Variants in ZFPM2 observed in about 807,000 individuals in gnomAD.
The protein encoded by ZFPM2 is zinc finger protein, FOG family member 2.
In ZFPM2, 20 loss-of-function variants were observed where a neutral mutation model predicts 98.6. The ratio of observed to expected loss-of-function variants is 0.20; its 90% CI spans 0.14 to 0.29. ZFPM2 has a LOEUF of 0.29. ZFPM2 is among the 10% of genes least tolerant of loss of function. ZFPM2 has a pLI of 1.00. For synonymous variants in ZFPM2, 518 were observed against 502.7 expected (o/e 1.03, Z -0.41); for missense variants, 1,310 against 1,388.6 (o/e 0.94, Z 0.90).
intron 1 of ZFPM2, among the ~76,000 whole-genome samples, chr8:105,365,225 A>G (rs1810484886): frequency 6.6e-6 from 1 of 152,184 alleles, no homozygotes. Context: ...GGTGAGTGGA[A>G]GAGATCATTG....
In ZFPM2 at chr8:105,318,467, G is replaced by T. The variant is rs1409881461; in HGVS notation, c.-475G>T. ...CAGGAGCTGCGCGGCCCGGAGCGGC[G>T]GCGGCGGCGCCGGAGTATCCGTCCC... On this transcript the variant is annotated 5_prime_UTR_variant, in exon 1 of 8. Transcript: ENST00000407775. Among the ~76,000 whole-genome samples the T allele has an allele frequency of 1.3e-5, 2 of 150,676 alleles. No individual in the cohort carries two copies. Among genetic ancestry groups the T allele is most frequent in the African/African-American group, 4.9e-5 (2 of 41,048 alleles).
At chr8:105,649,889 G>A (rs1387198358) in intron 5 of ZFPM2, among the ~76,000 whole-genome samples, 1 of 152,178 alleles carries the variant, frequency 6.6e-6, no homozygotes, top group Non-Finnish European at 1.5e-5. Flanking sequence ...GATGATGCTG[G>A]CCTCATAGAC....
At chr8:105,480,573 A>G (rs1813094828) in intron 3 of ZFPM2, among the ~76,000 whole-genome samples, 1 of 152,108 alleles carries the variant, frequency 6.6e-6, no homozygotes, top group Admixed American at 6.6e-5. Flanking sequence ...ATCAAAAACT[A>G]TTTATTGAAC....
chr8:105,334,510 G>T (rs1209597058), intron 1 of ZFPM2, among the ~76,000 whole-genome samples: 1 of 151,562 alleles, frequency 6.6e-6, no homozygotes, highest in Non-Finnish European at 1.5e-5. Flanking sequence ...TTAAAGTATA[G>T]TATTTCTCTA....
At chr8:105,504,649 C>G (rs1813660298) in intron 3 of ZFPM2, among the ~76,000 whole-genome samples, 1 of 152,148 alleles carries the variant, frequency 6.6e-6, no homozygotes, top group African/African-American at 2.4e-5. Context: ...TGTGAAAATG[C>G]AAAGTTAGTT....
chr8:105,793,414 C>T lies in ZFPM2; in HGVS notation c.739+4490C>T, dbSNP rs990431084. 3.5e-4 allele frequency among the ~76,000 whole-genome samples: 54 copies of T among 152,234 alleles called. 1 individual carries two copies. The highest frequency in any genetic ancestry group is 1.3e-3 in the African/African-American group (53 of 41,522). On this transcript the variant is annotated intron_variant, in intron 6 of 7. Coordinates refer to ENST00000407775, the MANE Select transcript of ZFPM2 (RefSeq NM_012082.4). ...TCTTTAAGAATGTTGAATATTGGCTCCCACTCTCTTCTGGCTTGTAGAGTT... is the reference window on the plus strand; with the variant it reads ...TCTTTAAGAATGTTGAATATTGGCTTCCACTCTCTTCTGGCTTGTAGAGTT...
intron 1 of ZFPM2, among the ~76,000 whole-genome samples, chr8:105,339,447 A>G (rs935797310): frequency 6.6e-6 from 1 of 151,864 alleles, no homozygotes; most frequent in African/African-American, 2.4e-5. Context: ...GAACTACACT[A>G]CCCTTGCATA....
chr8:105,601,231 A>C (rs1314747795), intron 4 of ZFPM2, among the ~76,000 whole-genome samples: 1 of 152,264 alleles, frequency 6.6e-6, no homozygotes, highest in Admixed American at 6.5e-5. Flanking sequence ...TAACCAAAAG[A>C]TGTCTAAGCC....
chr8:105,581,650 G>T (rs551802880), intron 4 of ZFPM2, among the ~76,000 whole-genome samples: 2 of 151,960 alleles, frequency 1.3e-5, no homozygotes, highest in Non-Finnish European at 2.9e-5. Context: ...ATAATAAAAC[G>T]GCAATTTTCC....
At chr8:105,386,911 C>G (rs1043004417) in intron 1 of ZFPM2, among the ~76,000 whole-genome samples, 6 of 152,050 alleles carry the variant, frequency 3.9e-5, no homozygotes, top group Admixed American at 6.6e-5. Context: ...AAAAGTTCTC[C>G]ACGTCCCCAC....
intron 5 of ZFPM2, among the ~76,000 whole-genome samples, chr8:105,681,669 C>A (rs899966731): frequency 4.6e-5 from 7 of 152,100 alleles, no homozygotes; most frequent in African/African-American, 1.7e-4. Flanking sequence ...TCATGGTACA[C>A]CAGGCATTGA....
At chr8:105,699,387 CTT>C (rs1811091538) in intron 5 of ZFPM2, among the ~76,000 whole-genome samples, 2 of 152,056 alleles carry the variant, frequency 1.3e-5, no homozygotes, top group Admixed American at 1.3e-4. Context: ...ATTAAAGAGA[CTT>C]TGGTCACTCT....
At chr8:105,560,412 G>C (rs1295523609) in intron 3 of ZFPM2, among the ~76,000 whole-genome samples, 1 of 151,884 alleles carries the variant, frequency 6.6e-6, no homozygotes, top group South Asian at 2.1e-4. Flanking sequence ...TTAGGTTACT[G>C]AGATAAAATT....
chr8:105,694,092 T>C (rs1268461628), intron 5 of ZFPM2, among the ~76,000 whole-genome samples: 1 of 148,228 alleles, frequency 6.7e-6, no homozygotes, highest in Non-Finnish European at 1.5e-5. Flanking sequence ...GTTCACACCA[T>C]TCTCCTGCCT....
chr8:105,635,329 TAAA>T (rs1445226238), intron 5 of ZFPM2, among the ~76,000 whole-genome samples: 2 of 152,132 alleles, frequency 1.3e-5, no homozygotes, highest in Non-Finnish European at 2.9e-5. Flanking sequence ...CAAAGACTCT[TAAA>T]AACTTGCTAG....
chr8:105,354,641 G>T (rs1812707339), intron 1 of ZFPM2, among the ~76,000 whole-genome samples: 1 of 152,152 alleles, frequency 6.6e-6, no homozygotes, highest in African/African-American at 2.4e-5. Context: ...TCTGTCTGAT[G>T]CATTTAATTT....
At chr8:105,617,954 C>G (rs1382799718) in intron 4 of ZFPM2, among the ~76,000 whole-genome samples, 1 of 152,080 alleles carries the variant, frequency 6.6e-6, no homozygotes, top group African/African-American at 2.4e-5. Flanking sequence ...CCCCTTATTC[C>G]TACTTGATGT....
intron 5 of ZFPM2, among the ~76,000 whole-genome samples, chr8:105,722,063 C>T (rs1244552201): frequency 1.3e-5 from 2 of 151,516 alleles, no homozygotes; most frequent in African/African-American, 4.8e-5. Flanking sequence ...AATAATTTTA[C>T]CTTTTTCCTT....
chr8:105,659,536 G>A (rs1817349086), intron 5 of ZFPM2, among the ~76,000 whole-genome samples: 2 of 152,184 alleles, frequency 1.3e-5, no homozygotes, highest in African/African-American at 4.8e-5. Context: ...ATAAAAGTGA[G>A]AGGGGTGGCA....
Sources: allele counts gnomAD v4.1 joint callset (sites outside exome capture counted in the v4.1 genomes callset), GRCh38; gene constraint gnomAD v4.1.1; transcripts MANE v1.5; gene names NCBI Gene and HGNC (gene_info 2026-07-23, HGNC 2026-07-21).